The following DNPEP variants were observed in gnomAD, a reference collection of about 807,000 sequenced individuals.
The protein encoded by DNPEP is aspartyl aminopeptidase.
Under a neutral mutation model 59.1 loss-of-function variants are expected in DNPEP, and 46 were observed. The observed-to-expected ratio is 0.78, with a 90% CI of 0.61 to 0.99. The LOEUF is 0.99. Among genes scored for constraint, DNPEP ranks in the 50% least tolerant of loss-of-function variants. The pLI, the probability that DNPEP is intolerant of heterozygous loss-of-function variation, is 0.00. For missense variants in DNPEP, 617 were observed against 649.9 expected (o/e 0.95, Z 0.55); for synonymous variants, 229 against 242.2 (o/e 0.95, Z 0.50).
intron 13 of DNPEP, 144 bp downstream of exon 13, chr2:219,381,191 C>T: frequency 5.4e-6 from 4 of 746,254 alleles, no homozygotes; most frequent in Non-Finnish European, 9.3e-6. Flanking sequence ...CCAGCTGTAT[C>T]CAAAATCCCT....
chr2:219,385,926 T>C, intron 6 of DNPEP, 42 bp downstream of exon 6: 14 of 1,609,086 alleles, frequency 8.7e-6, no homozygotes, highest in Non-Finnish European at 1.2e-5. Context: ...CTGGTACCAT[T>C]CTCCATCCCT....
chr2:219,384,214 G>T, intron 9 of DNPEP, 152 bp downstream of exon 9: 1 of 660,666 alleles, frequency 1.5e-6, no homozygotes, highest in Non-Finnish European at 2.5e-6. Context: ...AACATTTAGG[G>T]CCCCCTCCTG....
chr2:219,383,936 G>T (rs1176787657), intron 9 of DNPEP, among the ~76,000 whole-genome samples: 1 of 152,208 alleles, frequency 6.6e-6, no homozygotes, highest in Non-Finnish European at 1.5e-5. Context: ...TAGGAAGAGA[G>T]GCTACCTGAC....
upstream of DNPEP, chr2:219,388,056 GCCTTGCCCCGC>G (rs1420080614): frequency 1.7e-5 from 10 of 589,880 alleles, no homozygotes; most frequent in African/African-American, 6.4e-5. Context: ...ACCACCACCC[GCCTTGCCCCGC>G]CCTTGCCCCG....
In DNPEP at chr2:219,386,392, CG is replaced by C. The variant is rs774512712; in HGVS notation, c.352del (p.Arg118AlafsTer27). 1.9e-6 allele frequency: 3 copies of C among 1,614,188 alleles called. No individual in the cohort carries two copies. The highest frequency in any genetic ancestry group is 2.2e-5 in the South Asian group (2 of 91,090). On this transcript the variant is annotated frameshift_variant, in exon 5 of 15. Transcript: ENST00000273075. LOFTEE classifies it high-confidence loss of function. Reference protein sequence around the residue: ...PCLRVKRRSRRSQVGFQQVGV... With the variant: ...PCLRVKRRSRXSQVGFQQVGV... ...GACTTGCTGGAAGCCCACCTGGCTG[CG>C]GCGAGACCGACGTTTCACCTGAGTG... is the stretch of plus-strand genomic sequence containing the variant.
chr2:219,384,414 G>A lies in DNPEP; in HGVS notation c.804C>T (p.Ile268=), dbSNP rs1478785839. The change falls in exon 9 of 15, where the codon ATC becomes ATT. Residue 268 remains isoleucine, a synonymous_variant. Coordinates refer to ENST00000273075, the MANE Select transcript of DNPEP (RefSeq NM_012100.4). ...AVLGGAYDEF[I]FAPRLDNLHS... The stretch of plus-strand genomic sequence containing the variant: ...GCAGATTGTCCAGCCGAGGAGCAAA[G>A]ATGAACTCATCATAGGCACCACCCA... 1.9e-6 allele frequency: 3 copies of A among 1,611,916 alleles called. No individual in the cohort carries two copies. The highest frequency in any genetic ancestry group is 2.5e-6 in the Non-Finnish European group (3 of 1,179,066).
At chr2:219,398,628 C>T (rs1327754793) in intron 1 of DNPEP, among the ~76,000 whole-genome samples, 4 of 151,176 alleles carry the variant, frequency 2.6e-5, no homozygotes, top group African/African-American at 7.3e-5. Flanking sequence ...CCAGCCTGGG[C>T]GACAGAGCAA....
chr2:219,386,442 G>A lies in DNPEP; in HGVS notation c.334-31C>T, dbSNP rs748250356. The A allele has an allele frequency of 1.7e-5, 27 of 1,613,700 alleles. 1 individual carries two copies. Among genetic ancestry groups the A allele is most frequent in the South Asian group, 2.2e-5 (2 of 91,074 alleles). ...TGTAAAGATGGAGAAGTCAGAGAAG[G>A]CTTCATGACGATATGTGGAGATGAG... On this transcript the variant is annotated intron_variant, in intron 4 of 14. Transcript: ENST00000273075.
Position 219,381,339 on chromosome 2 carries a change from AG to A in DNPEP, c.1234del (p.Leu412CysfsTer31), listed in dbSNP as rs773222079. Reference protein sequence around the residue: ...REVANKVKVPLQDLMVRNDTP... With the variant: ...REVANKVKVPXQDLMVRNDTP... ...CCAGGCAGGGCCCACCCTCACCTGCAGGGGGACCTTGACTTTGTTGGCCACC... is the reference window on the plus strand; with the variant it reads ...CCAGGCAGGGCCCACCCTCACCTGCAGGGGACCTTGACTTTGTTGGCCACC... On this transcript the variant is annotated frameshift_variant, in exon 13 of 15. Coordinates refer to ENST00000273075, the MANE Select transcript of DNPEP (RefSeq NM_012100.4). LOFTEE classifies it high-confidence loss of function. 3 of 1,613,688 alleles carry A rather than the reference AG, an allele frequency of 1.9e-6. No homozygotes were observed. The East Asian group carries it at 6.7e-5, about 36-fold the overall frequency.
At chr2:219,382,810 C>T (rs1559336312) in intron 10 of DNPEP, among the ~76,000 whole-genome samples, 2 of 152,230 alleles carry the variant, frequency 1.3e-5, no homozygotes, top group Non-Finnish European at 2.9e-5. Flanking sequence ...GCAGCTGAGA[C>T]TGCAGCCTCA....
In DNPEP at chr2:219,387,092, G is replaced by T. The variant is rs1240218354; in HGVS notation, c.108C>A (p.Asn36Lys). 2 of 1,595,330 alleles carry T rather than the reference G, an allele frequency of 1.3e-6. No individual in the cohort carries two copies. Among genetic ancestry groups the T allele is most frequent in the Admixed American group, 1.8e-5 (1 of 56,910 alleles). ...TAAKELLKFVNRSPSPFHAVA... is the reference protein window; with the variant it reads ...TAAKELLKFVKRSPSPFHAVA... ...TACCATGGAAAGGAGAGGGACTCCG[G>T]TTCACGAACTTGAGGAGTTCCTTAG... The change falls in exon 2 of 15, where the codon AAC (asparagine) becomes AAA (lysine). Residue 36 changes from asparagine (N) to lysine (K), a missense_variant. Physicochemically the swap from Asn to Lys is moderately conservative, Grantham distance 94 (BLOSUM62 0). Transcript: ENST00000273075.
chr2:219,393,644 A>G (rs1954053084), upstream of DNPEP: 1 of 152,216 alleles, frequency 6.6e-6, no homozygotes, highest in Admixed American at 6.5e-5. Flanking sequence ...CAGAGGTCCT[A>G]TTGCATCTCC....
At chr2:219,385,895 C>T (rs1574988056) in intron 6 of DNPEP, 73 bp downstream of exon 6, 1 of 1,564,738 alleles carries the variant, frequency 6.4e-7, no homozygotes, top group African/African-American at 1.3e-5. Context: ...GACCTAATGG[C>T]TACCATTAGG....
upstream of DNPEP, chr2:219,393,694 A>G (rs1954053935): frequency 6.6e-6 from 1 of 152,242 alleles, no homozygotes; most frequent in East Asian, 1.9e-4. Flanking sequence ...GGAGAGTTTC[A>G]TCCAGTGTCT....
intron 6 of DNPEP, 122 bp downstream of exon 6, chr2:219,385,846 G>T: frequency 2.0e-6 from 3 of 1,473,924 alleles, no homozygotes; most frequent in East Asian, 2.4e-5. Context: ...AAGGCTGTGA[G>T]GACCCTTAGA....
intron 1 of DNPEP, among the ~76,000 whole-genome samples, chr2:219,397,706 G>C (rs1954121960): frequency 6.6e-6 from 1 of 152,192 alleles, no homozygotes; most frequent in Non-Finnish European, 1.5e-5. Context: ...TTAAAGTCAT[G>C]AGATTGGAGA....
rs1953588789 is a variant in DNPEP, at chr2:219,381,365, C to T, written c.1209G>A (p.Glu403=). The T allele has an allele frequency of 1.2e-6, 2 of 1,614,170 alleles. No individual in the cohort carries two copies. Among genetic ancestry groups the T allele is most frequent in the African/African-American group, 1.3e-5 (1 of 75,052 alleles). Residue 403 remains glutamate (E), a synonymous_variant, in exon 13 of 15, where the codon GAG becomes GAA. Coordinates refer to ENST00000273075, the MANE Select transcript of DNPEP (RefSeq NM_012100.4). ...SNAVSEALIR[E]VANKVKVPLQ... ...GGGGGACCTTGACTTTGTTGGCCAC[C>T]TCTCGGATCAGGGCCTCTGACACCG... is the stretch of plus-strand genomic sequence containing the variant.
Position 219,383,169 on chromosome 2 carries a change from G to A in DNPEP, c.898C>T (p.Pro300Ser). Residue 300 changes from proline to serine, a missense_variant, in exon 10 of 15, where the codon CCT becomes TCT. Pro to Ser is a moderately conservative substitution (Grantham distance 74). Coordinates refer to ENST00000273075, the MANE Select transcript of DNPEP (RefSeq NM_012100.4). ...TAGAGTGTGACCATGCGCACGTGAG[G>A]CTCTGTGGCCAGGGAGCCAGGGCCT... ...CAGPGSLATE[P>S]HVRMVTLYDN... The A allele has an allele frequency of 6.2e-7, 1 of 1,614,208 alleles. No homozygotes were observed.
intron 1 of DNPEP, among the ~76,000 whole-genome samples, chr2:219,396,390 C>A (rs745542707): frequency 5.4e-4 from 82 of 152,086 alleles, no homozygotes; most frequent in Non-Finnish European, 9.9e-4. Context: ...GAGTTCGAGA[C>A]CAGCCTTACC....
Sources: gnomAD v4.1 joint callset for allele counts (sites outside exome capture counted in the v4.1 genomes callset) on GRCh38, gnomAD v4.1.1 for gene constraint, MANE v1.5 for transcripts, NCBI Gene and HGNC (gene_info 2026-07-23, HGNC 2026-07-21) for gene names.